SCHIP1: variants seen among roughly 807,000 people sequenced by gnomAD.
SCHIP1 encodes schwannomin interacting protein 1.
SCHIP1 carries 8 observed loss-of-function variants against 29.7 expected under a neutral mutation model. That is an observed-to-expected ratio of 0.27 (90% confidence interval 0.16 to 0.49). The LOEUF is 0.49. Among genes scored for constraint, SCHIP1 ranks in the 20% least tolerant of loss-of-function variants. The pLI is 0.99. For missense variants in SCHIP1, 193 were observed against 294.6 expected (o/e 0.66, Z 2.52); for synonymous variants, 76 against 94.9 (o/e 0.80, Z 1.16).
the SCHIP1 span, among the ~76,000 whole-genome samples, chr3:159,680,636 ATAT>A: frequency 3.5e-5 from 2 of 57,542 alleles, no homozygotes; most frequent in Non-Finnish European, 6.2e-5. Flanking sequence ...TATATTTTAT[ATAT>A]TATATAATAT....
At chr3:159,716,607 G>C in the SCHIP1 span, among the ~76,000 whole-genome samples, 1 of 152,094 alleles carries the variant, frequency 6.6e-6, no homozygotes, top group Admixed American at 6.6e-5. Context: ...TGATAAAACA[G>C]ACTTTAAACC....
chr3:159,509,955 C>A, the SCHIP1 span, among the ~76,000 whole-genome samples: 1 of 152,138 alleles, frequency 6.6e-6, no homozygotes, highest in Non-Finnish European at 1.5e-5. Context: ...CTTGGAGTTG[C>A]TCTTCTCAAG....
At chr3:159,608,061 G>A in the SCHIP1 span, among the ~76,000 whole-genome samples, 1 of 152,220 alleles carries the variant, frequency 6.6e-6, no homozygotes, top group Admixed American at 6.5e-5. Flanking sequence ...GAAGCCATTG[G>A]GCTGCCCTCA....
the SCHIP1 span, among the ~76,000 whole-genome samples, chr3:159,551,735 T>C: frequency 6.6e-6 from 1 of 152,120 alleles, no homozygotes; most frequent in Admixed American, 6.6e-5. Flanking sequence ...TAATTCTTTT[T>C]CATTAAAAAA....
chr3:159,491,318 C>G, the SCHIP1 span, among the ~76,000 whole-genome samples: 2 of 152,236 alleles, frequency 1.3e-5, no homozygotes, highest in African/African-American at 4.8e-5. Context: ...TCGCCTCACC[C>G]AGGAAGCACA....
At chr3:159,449,287 T>C in the SCHIP1 span, among the ~76,000 whole-genome samples, 2 of 151,908 alleles carry the variant, frequency 1.3e-5, no homozygotes, top group Non-Finnish European at 2.9e-5. Context: ...ACAAGCTGAA[T>C]CAAAGCCATT....
chr3:159,845,071 C>T (rs1448192395), intron 1 of SCHIP1, among the ~76,000 whole-genome samples: 1 of 152,184 alleles, frequency 6.6e-6, no homozygotes, highest in Admixed American at 6.5e-5. Context: ...CAAGGCCCGA[C>T]ATTTGTTTCT....
At chr3:159,399,088 G>A in the SCHIP1 span, 1 of 247,600 alleles carries the variant, frequency 4.0e-6, no homozygotes, top group African/African-American at 2.3e-5. Context: ...AAAACACCAG[G>A]CACACTCTGG....
the SCHIP1 span, among the ~76,000 whole-genome samples, chr3:159,449,944 AAG>A: frequency 2.0e-5 from 3 of 151,994 alleles, no homozygotes; most frequent in South Asian, 4.2e-4. Flanking sequence ...AGGAAAGAAA[AAG>A]AGAGAGAAGA....
At chr3:159,436,042 T>A in the SCHIP1 span, among the ~76,000 whole-genome samples, 1 of 152,110 alleles carries the variant, frequency 6.6e-6, no homozygotes, top group Admixed American at 6.6e-5. Flanking sequence ...CAGCTCAGCC[T>A]GAAAGCTTCA....
chr3:159,310,114 C>T, the SCHIP1 span, among the ~76,000 whole-genome samples: 1,348 of 152,250 alleles, frequency 8.9e-3, 19 homozygotes, highest in African/African-American at 0.031. Flanking sequence ...AAGAGGCATG[C>T]GTCCTCTTAT....
the SCHIP1 span, among the ~76,000 whole-genome samples, chr3:159,805,872 G>T: frequency 6.7e-6 from 1 of 149,880 alleles, no homozygotes; most frequent in Non-Finnish European, 1.5e-5. Flanking sequence ...GCAGTGGAGC[G>T]ATCTCGGCTC....
At chr3:159,595,163 A>G in the SCHIP1 span, among the ~76,000 whole-genome samples, 2 of 152,170 alleles carry the variant, frequency 1.3e-5, no homozygotes, top group Non-Finnish European at 2.9e-5. Flanking sequence ...ACTGCTGATT[A>G]TATGTGCTTC....
At chr3:159,564,344 T>C in the SCHIP1 span, among the ~76,000 whole-genome samples, 1 of 151,984 alleles carries the variant, frequency 6.6e-6, no homozygotes, top group Admixed American at 6.6e-5. Flanking sequence ...TTTTGGGTAC[T>C]TTCCTCCTAC....
chr3:159,459,948 C>G, the SCHIP1 span, among the ~76,000 whole-genome samples: 1 of 152,148 alleles, frequency 6.6e-6, no homozygotes, highest in Non-Finnish European at 1.5e-5. Flanking sequence ...TGATCTCATA[C>G]TTCTGGCCTC....
At chr3:159,731,213 G>C in the SCHIP1 span, among the ~76,000 whole-genome samples, 1 of 152,208 alleles carries the variant, frequency 6.6e-6, no homozygotes, top group East Asian at 1.9e-4. Context: ...AAAGAAAGAA[G>C]TATGTTACCA....
the SCHIP1 span, among the ~76,000 whole-genome samples, chr3:159,478,886 A>G: frequency 6.5e-3 from 985 of 152,190 alleles, 35 homozygotes; most frequent in Admixed American, 0.061. Flanking sequence ...TAGAAATGCT[A>G]CTGAGTTTTT....
the SCHIP1 span, among the ~76,000 whole-genome samples, chr3:159,692,611 G>T: frequency 1.1e-4 from 16 of 152,152 alleles, no homozygotes; most frequent in African/African-American, 3.6e-4. Flanking sequence ...GGTTATTCTA[G>T]TTAGCAATTC....
the SCHIP1 span, among the ~76,000 whole-genome samples, chr3:159,409,250 C>G: frequency 2.0e-5 from 3 of 152,006 alleles, no homozygotes; most frequent in African/African-American, 7.2e-5. Flanking sequence ...CCCATTTTCA[C>G]CACCATTATT....
Sources: allele counts gnomAD v4.1 joint callset (sites outside exome capture counted in the v4.1 genomes callset), GRCh38; gene constraint gnomAD v4.1.1; transcripts MANE v1.5; gene names NCBI Gene and HGNC (gene_info 2026-07-23, HGNC 2026-07-21).